Variants in FBXW8 observed in about 807,000 individuals in gnomAD.
FBXW8 encodes F-box/WD repeat-containing protein 8.
A neutral mutation model predicts 65.3 loss-of-function variants in FBXW8; 57 were observed. That is an observed-to-expected ratio of 0.87 (90% CI 0.71 to 1.09). The LOEUF (loss-of-function observed/expected upper bound fraction) is 1.09, where lower values mean the gene tolerates loss of function less well. FBXW8 is among the 50% of genes least tolerant of loss of function. The pLI, the probability that FBXW8 is intolerant of heterozygous loss-of-function variation, is 0.00. For synonymous variants in FBXW8, 308 were observed against 330.2 expected (o/e 0.93, Z 0.73); for missense variants, 777 against 814.8 (o/e 0.95, Z 0.57).
chr12:116,935,085 T>G (rs544145583), intron 2 of FBXW8, among the ~76,000 whole-genome samples: 1 of 152,324 alleles, frequency 6.6e-6, no homozygotes, highest in East Asian at 1.9e-4. Context: ...TTTAGGAATT[T>G]AGCTGCATAA....
intron 2 of FBXW8, among the ~76,000 whole-genome samples, chr12:116,929,682 A>G (rs1376117276): frequency 1.3e-5 from 2 of 152,236 alleles, no homozygotes; most frequent in East Asian, 1.9e-4. Flanking sequence ...TACCTCACAT[A>G]CTTATTTTCT....
At chr12:116,964,222 A>C (rs1168955146) in intron 4 of FBXW8, among the ~76,000 whole-genome samples, 1 of 152,236 alleles carries the variant, frequency 6.6e-6, no homozygotes, top group Non-Finnish European at 1.5e-5. Context: ...AATCAGTCAA[A>C]TCTGATGCAT....
At chr12:116,989,734 C>T (rs1953189373) in intron 7 of FBXW8, among the ~76,000 whole-genome samples, 2 of 152,184 alleles carry the variant, frequency 1.3e-5, no homozygotes, top group African/African-American at 4.8e-5. Flanking sequence ...TCCCAATTTC[C>T]CTGCTCCTGA....
chr12:117,001,235 G>A (rs186227975), intron 7 of FBXW8, among the ~76,000 whole-genome samples: 1 of 152,220 alleles, frequency 6.6e-6, no homozygotes, highest in Admixed American at 6.5e-5. Context: ...TTAGGGAGCT[G>A]GGGGGAGCCC....
intron 5 of FBXW8, chr12:116,977,352 C>CACTT (rs1224257419): frequency 6.6e-6 from 1 of 152,112 alleles, no homozygotes; most frequent in Non-Finnish European, 1.5e-5. Flanking sequence ...TCTGAGAAGA[C>CACTT]ACTTAGTCTG....
rs180932935 is a variant in FBXW8 at position 116,967,699 on chromosome 12, T to C, written c.835+2845T>C. On this transcript the variant is annotated intron_variant, in intron 5 of 10. Coordinates refer to ENST00000652555, the MANE Select transcript of FBXW8 (RefSeq NM_153348.3). The stretch of plus-strand genomic sequence containing the variant: ...TCTTTTGGGTTGTCATCTTTTCTGG[T>C]TGAAAAGAAAGCTTGGGAAATAATC... Among the ~76,000 whole-genome samples the C allele has an allele frequency of 1.4e-4, 21 of 152,368 alleles. No individual in the cohort carries two copies. The East Asian group carries it at 3.8e-3, about 28-fold the overall frequency.
At chr12:116,983,368 C>T (rs953440015) in intron 5 of FBXW8, among the ~76,000 whole-genome samples, 1 of 152,166 alleles carries the variant, frequency 6.6e-6, no homozygotes, top group Non-Finnish European at 1.5e-5. Flanking sequence ...TTGTGATCCG[C>T]TTATCCCCCA....
intron 4 of FBXW8, chr12:116,949,998 G>T (rs1592876517): frequency 3.0e-6 from 1 of 332,244 alleles, no homozygotes; most frequent in East Asian, 5.5e-5. Context: ...TTTCATTAAG[G>T]CAAACAGTTT....
At chr12:116,969,401 C>T (rs1884517360) in intron 5 of FBXW8, among the ~76,000 whole-genome samples, 1 of 152,182 alleles carries the variant, frequency 6.6e-6, no homozygotes, top group South Asian at 2.1e-4. Context: ...TACCTTTGGT[C>T]CCCCTTCAGT....
At chr12:116,982,624 T>A (rs1382349477) in intron 5 of FBXW8, among the ~76,000 whole-genome samples, 2 of 518 alleles carry the variant, frequency 3.9e-3, no homozygotes, top group Non-Finnish European at 0.024. Flanking sequence ...GAGCCCTGGA[T>A]TTTTTTTTTT....
intron 8 of FBXW8, among the ~76,000 whole-genome samples, chr12:117,020,435 G>A (rs936711115): frequency 1.3e-5 from 2 of 152,238 alleles, no homozygotes; most frequent in South Asian, 2.1e-4. Flanking sequence ...TTAGCTGTCC[G>A]CACTCTGTTT....
chr12:116,984,554 C>T (rs1187411468), intron 5 of FBXW8, among the ~76,000 whole-genome samples: 1 of 152,194 alleles, frequency 6.6e-6, no homozygotes, highest in African/African-American at 2.4e-5. Flanking sequence ...GGCTGAGCAT[C>T]CCTAATCCAA....
chr12:116,991,519 C>CGTAT (rs1297694436), intron 7 of FBXW8, among the ~76,000 whole-genome samples: 1 of 152,184 alleles, frequency 6.6e-6, no homozygotes, highest in African/African-American at 2.4e-5. Context: ...CTTGCGAATA[C>CGTAT]CATGCTTGAA....
intron 7 of FBXW8, among the ~76,000 whole-genome samples, chr12:117,004,926 G>A (rs1294515694): frequency 6.6e-6 from 1 of 152,146 alleles, no homozygotes; most frequent in African/African-American, 2.4e-5. Context: ...GGGCTCCTGT[G>A]AATTTCTCTG....
intron 7 of FBXW8, among the ~76,000 whole-genome samples, chr12:116,989,893 T>TTG (rs1313242569): frequency 6.6e-6 from 1 of 152,130 alleles, no homozygotes; most frequent in Non-Finnish European, 1.5e-5. Flanking sequence ...CTTCTTAGAG[T>TTG]TGTAGGATTA....
At chr12:116,996,421 C>T (rs1016130233) in intron 7 of FBXW8, among the ~76,000 whole-genome samples, 1 of 152,092 alleles carries the variant, frequency 6.6e-6, no homozygotes, top group Middle Eastern at 3.4e-3. Context: ...ATCAGAAATG[C>T]AGTGCGCATA....
rs144112060 is a variant in FBXW8, at chr12:116,985,351, C to T, written c.981C>T (p.Pro327=). ...ASAFDVVMLS[P]NEEGYWQIAA... ...CTTTTGATGTCGTGATGTTATCCCC[C>T]AATGAGGAGGGGTACTGGCAGATAG... The change falls in exon 6 of 11, where the codon CCC becomes CCT. Residue 327 remains proline, a synonymous_variant. Coordinates refer to ENST00000652555, the MANE Select transcript of FBXW8 (RefSeq NM_153348.3). 238 of 1,614,148 alleles carry T rather than the reference C, an allele frequency of 1.5e-4. 1 individual carries two copies. The African/African-American group carries it at 2.6e-3, about 17-fold the overall frequency.
intron 8 of FBXW8, among the ~76,000 whole-genome samples, chr12:117,022,490 G>C (rs1010588775): frequency 6.6e-6 from 1 of 151,704 alleles, no homozygotes; most frequent in Non-Finnish European, 1.5e-5. Flanking sequence ...CGTCTCTACT[G>C]AAAATAAAAA....
At chr12:116,976,200 A>G (rs910080301) in intron 5 of FBXW8, among the ~76,000 whole-genome samples, 3 of 152,192 alleles carry the variant, frequency 2.0e-5, no homozygotes, top group African/African-American at 4.8e-5. Context: ...ACAATGTTAC[A>G]TGATTACTTA....
Sources: allele counts gnomAD v4.1 joint callset (sites outside exome capture counted in the v4.1 genomes callset), GRCh38; gene constraint gnomAD v4.1.1; transcripts MANE v1.5; gene names NCBI Gene and HGNC (gene_info 2026-07-23, HGNC 2026-07-21).